Variants in PNPLA7 observed in about 807,000 individuals in gnomAD.
PNPLA7 encodes patatin like domain 7, lysophospholipase, also known as patatin-like phospholipase domain-containing protein 7.
A neutral mutation model predicts 161.7 loss-of-function variants in PNPLA7; 153 were observed. The ratio of observed to expected loss-of-function variants is 0.95; its 90% CI spans 0.83 to 1.08. The LOEUF is 1.08. PNPLA7 is among the 50% of genes least tolerant of loss of function. PNPLA7 has a pLI of 0.00. For synonymous variants in PNPLA7, 809 were observed against 782.1 expected (o/e 1.03, Z -0.57); for missense variants, 1,739 against 1,856.6 (o/e 0.94, Z 1.16).
intron 11 of PNPLA7, among the ~76,000 whole-genome samples, chr9:137,518,737 T>C (rs1316945180): frequency 9.0e-5 from 4 of 44,576 alleles, no homozygotes; most frequent in East Asian, 8.1e-4. Context: ...CTCCACTCTG[T>C]CCACTCCATC....
At chr9:137,477,690 G>A (rs1186481778) in intron 25 of PNPLA7, among the ~76,000 whole-genome samples, 2 of 152,182 alleles carry the variant, frequency 1.3e-5, no homozygotes, top group Non-Finnish European at 2.9e-5. Flanking sequence ...TGATCTGCCC[G>A]CCTCGGCCTC....
chr9:137,494,285 A>G (rs1407347390), intron 19 of PNPLA7, among the ~76,000 whole-genome samples: 1 of 151,696 alleles, frequency 6.6e-6, no homozygotes, highest in Non-Finnish European at 1.5e-5. Flanking sequence ...TCAGAGTGAG[A>G]GTCACTTCCC....
chr9:137,481,100 A>AAGGTACCGACGCCGAGCC, intron 21 of PNPLA7, 77 bp from the exon 22 acceptor site: 6 of 1,484,338 alleles, frequency 4.0e-6, no homozygotes, highest in Non-Finnish European at 5.5e-6. Flanking sequence ...GACACCCAGC[A>AAGGTACCGACGCCGAGCC]AGGTACCGAC....
chr9:137,518,059 C>T (rs1834722960), intron 11 of PNPLA7, among the ~76,000 whole-genome samples: 2 of 114,188 alleles, frequency 1.8e-5, no homozygotes, highest in Admixed American at 8.1e-5. Context: ...CACTCACTCA[C>T]TCCACTCTGT....
chr9:137,543,489 A>G lies in PNPLA7; in HGVS notation c.449T>C (p.Phe150Ser). 1 of 1,614,094 alleles carries G rather than the reference A, an allele frequency of 6.2e-7. No individual in the cohort carries two copies. The highest frequency in any genetic ancestry group is 8.5e-7 in the Non-Finnish European group (1 of 1,180,016). Residue 150 changes from phenylalanine (F) to serine (S), a missense_variant, in exon 6 of 35, where the codon TTT becomes TCT. Physicochemically the swap from Phe to Ser is radical, Grantham distance 155. Coordinates refer to ENST00000406427, the MANE Select transcript of PNPLA7 (RefSeq NM_001098537.3). This position sits in a 1 kb window ranked among gnomAD's most constrained non-coding sequence, Gnocchi z 6.9. ...TGGCAGGTGAGAATTCTTCACGTCA[A>G]ACTCCGTGAGGTCGGCCTCCAGCAG... ...PSLLEADLTEFDVKNSHLPSE... is the reference protein window; with the variant it reads ...PSLLEADLTESDVKNSHLPSE...
intron 12 of PNPLA7, among the ~76,000 whole-genome samples, chr9:137,510,722 C>T (rs1258410862): frequency 1.3e-5 from 2 of 152,196 alleles, no homozygotes; most frequent in Non-Finnish European, 2.9e-5. Context: ...ACTCTCTCAT[C>T]GCCGCACACA....
chr9:137,527,087 T>C (rs1050718204), intron 8 of PNPLA7, among the ~76,000 whole-genome samples: 1 of 151,882 alleles, frequency 6.6e-6, no homozygotes, highest in African/African-American at 2.4e-5. Flanking sequence ...GCCAAGATGG[T>C]GAAACCCCGT....
At chr9:137,479,380 T>C (rs945230265) in intron 23 of PNPLA7, 142 bp from the exon 24 acceptor site, 48 of 1,345,802 alleles carry the variant, frequency 3.6e-5, no homozygotes, top group Non-Finnish European at 4.4e-5. Flanking sequence ...GGCTGTGGCC[T>C]GGTCTGCCTT....
intron 12 of PNPLA7, among the ~76,000 whole-genome samples, chr9:137,508,157 T>G (rs1282701512): frequency 1.3e-5 from 2 of 151,904 alleles, no homozygotes; most frequent in African/African-American, 2.4e-5. Context: ...GCCCAGGAGC[T>G]CGAGGCTGCA....
rs1392045301 is a variant in PNPLA7 at position 137,543,151 on chromosome 9, C to A, written c.506+281G>T. Among the ~76,000 whole-genome samples, 1 of 152,170 alleles carries A rather than the reference C, an allele frequency of 6.6e-6. No individual in the cohort carries two copies. The highest frequency in any genetic ancestry group is 2.4e-5 in the African/African-American group (1 of 41,434). ...GCAAGACAGGAGCACAGAGCAGAAC[C>A]CAGGCTCCAGGCTTTGGATCCACCA... On this transcript the variant is annotated intron_variant, in intron 6 of 34. Transcript: ENST00000406427. The surrounding 1 kb of genome is among the most constrained non-coding windows in gnomAD (Gnocchi z 6.9).
At position 137,540,843 on chromosome 9, in the gene PNPLA7, G is replaced by A. The variant is rs1013761832; in HGVS notation, c.667-121C>T. On this transcript the variant is annotated intron_variant, in intron 7 of 34. Transcript: ENST00000406427. The surrounding 1 kb of genome is among the most constrained non-coding windows in gnomAD (Gnocchi z 5.1). ...GGCCTGCACCTCTGAGGCGCCATGA[G>A]AGCAGCAGGCACCTTGGATGGAGGG... 3 of 815,484 alleles carry A rather than the reference G, an allele frequency of 3.7e-6. No individual in the cohort carries two copies. Among genetic ancestry groups the A allele is most frequent in the African/African-American group, 3.4e-5 (2 of 58,956 alleles). The allele number at this position is 815,484 out of a possible 1,614,324, so 50.5% of individuals were successfully genotyped here.
intron 9 of PNPLA7, among the ~76,000 whole-genome samples, chr9:137,522,139 A>T (rs949488299): frequency 6.6e-6 from 1 of 152,198 alleles, no homozygotes; most frequent in African/African-American, 2.4e-5. Context: ...CAGTGGCACC[A>T]TCTCGGCTCA....
At chr9:137,492,530 AG>A (rs1339458492) in intron 20 of PNPLA7, among the ~76,000 whole-genome samples, 3 of 2,880 alleles carry the variant, frequency 1.0e-3, no homozygotes, top group African/African-American at 4.6e-3. Context: ...GCTCCAGCAC[AG>A]GGCGGGGCCA....
Position 137,484,611 on chromosome 9 carries a change from G to A in PNPLA7, c.2323C>T (p.Leu775=). Residue 775 remains leucine (L), a synonymous_variant, in exon 21 of 35, where the codon CTG becomes TTG. Transcript: ENST00000406427. ...CCGATGGCGCTGAGGGCATGCTCCA[G>A]CTCCAGGGCGAAGGCGGTGAGGGGC... ...EVPLTAFALE[L]EHALSAIGPT... is the part of the protein sequence containing the mutation. 1 of 1,611,372 alleles carries A rather than the reference G, an allele frequency of 6.2e-7. No homozygotes were observed. The highest frequency in any genetic ancestry group is 1.3e-5 in the African/African-American group (1 of 75,024).
rs572764750 is a variant in PNPLA7 at position 137,501,634 on chromosome 9, C to A, written c.1551+16G>T. ...CATTGGGTGGTCCCAGTGCCCCCCC[C>A]CAGACCCCCGCTCACCTGGTCTCCC... On this transcript the variant is annotated intron_variant, in intron 15 of 34. Coordinates refer to ENST00000406427, the MANE Select transcript of PNPLA7 (RefSeq NM_001098537.3). The A allele has an allele frequency of 3.5e-5, 57 of 1,610,526 alleles. 1 individual carries two copies. The East Asian group carries it at 5.8e-4, about 16-fold the overall frequency.
intron 28 of PNPLA7, 65 bp downstream of exon 28, chr9:137,464,061 G>C: frequency 1.3e-6 from 2 of 1,548,584 alleles, no homozygotes; most frequent in Non-Finnish European, 1.8e-6. Context: ...CCCTGGGGCT[G>C]CTGAGCTCTC....
intron 14 of PNPLA7, among the ~76,000 whole-genome samples, chr9:137,505,113 AAG>A (rs1240863272): frequency 6.9e-6 from 1 of 145,570 alleles, no homozygotes. Context: ...GCTTGAATCC[AAG>A]AGGTGGAGGT....
Position 137,478,095 on chromosome 9 carries a change from G to T in PNPLA7, c.2821C>A (p.Arg941Ser). 1 of 1,377,600 alleles carries T rather than the reference G, an allele frequency of 7.3e-7. No individual in the cohort carries two copies. The highest frequency in any genetic ancestry group is 9.4e-7 in the Non-Finnish European group (1 of 1,061,100). 85.3% of individuals were successfully genotyped at this position (1,377,600 alleles called of 1,614,324 possible). Residue 941 changes from arginine to serine, a missense_variant, in exon 25 of 35, where the codon CGC becomes AGC. Arg to Ser is a moderately radical substitution (Grantham distance 110). Around this residue, in one of 6 missense-constraint regions of PNPLA7, gnomAD observed 703 missense variants for 694.6 expected, o/e 1.01. Coordinates refer to ENST00000406427, the MANE Select transcript of PNPLA7 (RefSeq NM_001098537.3). Reference sequence around the variant, plus strand: ...TTGCCCGTCAGCACCCTCGCCAGGCGGGAGAAGTCTGAGTGTCGGTCCGGG... The same window carrying T: ...TTGCCCGTCAGCACCCTCGCCAGGCTGGAGAAGTCTGAGTGTCGGTCCGGG... ...RPPDRHSDFS[R>S]LARVLTGNAI...
intron 25 of PNPLA7, among the ~76,000 whole-genome samples, chr9:137,475,777 A>C (rs1831922936): frequency 6.6e-6 from 1 of 152,148 alleles, no homozygotes; most frequent in Admixed American, 6.5e-5. Context: ...ACAGCAATAC[A>C]AAAAACTAAA....
Sources: allele counts gnomAD v4.1 joint callset (sites outside exome capture counted in the v4.1 genomes callset), GRCh38; gene constraint gnomAD v4.1.1; regional missense constraint gnomAD v4.1.1; non-coding constraint Gnocchi (gnomAD v3.1); transcripts MANE v1.5; gene names NCBI Gene and HGNC (gene_info 2026-07-23, HGNC 2026-07-21).